The following IL16 variants were observed in gnomAD, a reference collection of about 807,000 sequenced individuals.
IL16 encodes the protein pro-interleukin-16.
Under a neutral mutation model 110.1 loss-of-function variants are expected in IL16, and 67 were observed. That is an observed-to-expected ratio of 0.61 (90% CI 0.50 to 0.75). The LOEUF is 0.75. IL16 is among the 30% of genes least tolerant of loss of function. The pLI, the probability that IL16 is intolerant of heterozygous loss-of-function variation, is 0.00. For missense variants in IL16, 1,545 were observed against 1,655.0 expected, an observed-to-expected ratio of 0.93 and a Z score of 1.15; for synonymous variants, 689 against 662.9, an observed-to-expected ratio of 1.04 and a Z score of -0.61.
chr15:81,273,594 A>G (rs1222773147), intron 6 of IL16, among the ~76,000 whole-genome samples: 1 of 151,466 alleles, frequency 6.6e-6, no homozygotes, highest in African/African-American at 2.4e-5. Flanking sequence ...CCTCTCCTTC[A>G]TTCTCCCTGT....
In IL16 at chr15:81,306,788, G is replaced by A. The variant is rs1489033908; in HGVS notation, c.3805+243G>A. The A allele has an allele frequency of 2.1e-5, 11 of 534,260 alleles. No homozygotes were observed. In the East Asian group the frequency reaches 4.1e-4, roughly 20 times the overall value. The allele number at this position is 534,260 out of a possible 1,614,324, so 33.1% of individuals were successfully genotyped here. ...CAAAAATACCTAAGTCCTGGGCTTG[G>A]TTCGGGTTGGCAGGGCCAGGACTCT... On this transcript the variant is annotated intron_variant, in intron 18 of 18. Transcript: ENST00000683961.
rs578116945 is a variant in IL16 at position 81,197,996 on chromosome 15, C to T, written c.-102+844C>T. On this transcript the variant is annotated intron_variant, in intron 1 of 18. Transcript: ENST00000683961. ...CCCTTCCTATTTCTCCAGTTTCCCC[C>T]GGAAGGAGAAGACCGTTCAGCCTTT... Among the ~76,000 whole-genome samples, 177 of 152,204 alleles carry T rather than the reference C, an allele frequency of 1.2e-3. 1 individual carries two copies. The highest frequency in any genetic ancestry group is 3.7e-3 in the East Asian group (19 of 5,160).
At chr15:81,265,826 A>G (rs766939637) in intron 4 of IL16, 25 bp downstream of exon 4, 26 of 1,597,190 alleles carry the variant, frequency 1.6e-5, no homozygotes, top group African/African-American at 2.7e-5. Flanking sequence ...AGGGAAACTC[A>G]GAGAAGAGTT....
In IL16 at chr15:81,225,731, G is replaced by A. The variant is rs761514024; in HGVS notation, c.312+20G>A. 8 of 1,550,486 alleles carry A rather than the reference G, an allele frequency of 5.2e-6. No individual in the cohort carries two copies. The South Asian group carries it at 6.0e-5, about 12-fold the overall frequency. ...ATGAAGGTATGCCCAGGCTTTGCAG[G>A]CCTGAACTAGCCTGCAGTTGGTTTC... On this transcript the variant is annotated intron_variant, in intron 2 of 18. Transcript: ENST00000683961.
chr15:81,201,993 G>A (rs28515019), intron 1 of IL16, among the ~76,000 whole-genome samples: 25,006 of 152,178 alleles, frequency 0.16, 4,710 homozygotes, highest in African/African-American at 0.46. Context: ...CAGAGATGGG[G>A]TTACTAAGTG....
Position 81,306,148 on chromosome 15 carries a change from G to A in IL16, c.3661G>A (p.Asp1221Asn). ...TGCAGCCTCAGCCTCTGCAGCCAGT[G>A]ATGTTTCTGTAGAATCTAGTAAGTT... is the stretch of plus-strand genomic sequence containing the variant. ...DSAASASAAS[D>N]VSVESTAEAT... is the part of the protein sequence containing the mutation. Residue 1221 changes from aspartate (D) to asparagine (N), a missense_variant, in exon 17 of 19, where the codon GAT (aspartate) becomes AAT (asparagine). Asp to Asn is a conservative substitution (Grantham distance 23). This residue lies in a region of IL16 where 356 missense variants were observed against 399.3 expected (regional missense o/e 0.89). Transcript: ENST00000683961. 1 of 1,614,040 alleles carries A rather than the reference G, an allele frequency of 6.2e-7. No individual in the cohort carries two copies. Among genetic ancestry groups the A allele is most frequent in the Non-Finnish European group, 8.5e-7 (1 of 1,179,984 alleles).
At position 81,308,754 on chromosome 15, in the gene IL16, A is replaced by G. The variant is rs751387471; in HGVS notation, c.3955A>G (p.Lys1319Glu). ...ACCTGTCACGATTGTCATCAGGAGA[A>G]AAAGCCTCCAGTCCAAGGAAACCAC... ...DGPVTIVIRR[K>E]SLQSKETTAA... The change falls in exon 19 of 19, where the codon AAA becomes GAA. Residue 1319 changes from lysine (K) to glutamate (E), a missense_variant. By Grantham distance (56) the Lys-to-Glu change is moderately conservative. Transcript: ENST00000683961. The G allele has an allele frequency of 2.1e-5, 34 of 1,614,086 alleles. 1 individual carries two copies. The South Asian group carries it at 3.5e-4, about 17-fold the overall frequency.
intron 6 of IL16, among the ~76,000 whole-genome samples, chr15:81,277,785 G>A (rs927996951): frequency 3.9e-5 from 6 of 152,182 alleles, no homozygotes; most frequent in South Asian, 2.1e-4. Context: ...ATGATTAGGC[G>A]ACAGCAGATT....
intron 4 of IL16, among the ~76,000 whole-genome samples, chr15:81,266,863 C>T (rs990358582): frequency 3.3e-5 from 5 of 152,186 alleles, no homozygotes; most frequent in African/African-American, 9.7e-5. Context: ...AGGGTCTCCA[C>T]GGTCAAGCAA....
intron 4 of IL16, 124 bp downstream of exon 4, chr15:81,265,925 A>G (rs1898362713): frequency 1.2e-6 from 1 of 869,444 alleles, no homozygotes; most frequent in African/African-American, 1.7e-5. Flanking sequence ...TACAGAGGAG[A>G]GGGTCTCGCT....
chr15:81,300,563 T>A (rs1440983066), intron 14 of IL16, 88 bp downstream of exon 14: 16 of 807,278 alleles, frequency 2.0e-5, no homozygotes, highest in Non-Finnish European at 2.6e-5. Context: ...ATATATAATT[T>A]AAAAAATTCC....
At chr15:81,224,161 A>G (rs1276340702) in intron 1 of IL16, among the ~76,000 whole-genome samples, 1 of 152,234 alleles carries the variant, frequency 6.6e-6, no homozygotes, top group East Asian at 1.9e-4. Flanking sequence ...AAAACAGTCT[A>G]TTTTTAGGCA....
chr15:81,259,793 C>T lies in IL16; in HGVS notation c.334C>T (p.Arg112Ter). 24 of 1,613,210 alleles carry T rather than the reference C, an allele frequency of 1.5e-5. No homozygotes were observed. The highest frequency in any genetic ancestry group is 2.0e-5 in the Non-Finnish European group (24 of 1,179,262). Residue 112 changes from arginine (R) to a stop codon, truncating the protein, a stop_gained, in exon 3 of 19, where the codon CGA becomes TGA. Coordinates refer to ENST00000683961, the MANE Select transcript of IL16 (RefSeq NM_172217.5). LOFTEE classifies it high-confidence loss of function. ...FMKESSTASS[R>*]EKPGKLEAQS... The stretch of plus-strand genomic sequence containing the variant: ...GCAGGAATCTTCCACAGCTTCCTCT[C>T]GAGAAAAGCCTGGAAAACTAGAAGC...
At chr15:81,272,770 G>C (rs184742144) in intron 5 of IL16, among the ~76,000 whole-genome samples, 13 of 152,332 alleles carry the variant, frequency 8.5e-5, no homozygotes, top group Admixed American at 2.0e-4. Flanking sequence ...ATTGGCCCAG[G>C]ATTGCCAACT....
At chr15:81,220,546 C>G (rs905583362) in intron 1 of IL16, among the ~76,000 whole-genome samples, 7 of 152,104 alleles carry the variant, frequency 4.6e-5, no homozygotes, top group East Asian at 1.9e-4. Flanking sequence ...AAAATTACCC[C>G]CTGGGCTAGA....
At chr15:81,285,653 C>T in intron 9 of IL16, 45 bp from the exon 10 acceptor site, 5 of 1,607,808 alleles carry the variant, frequency 3.1e-6, no homozygotes, top group Non-Finnish European at 3.4e-6. Flanking sequence ...GTTCAAATGT[C>T]TCATTGATTC....
intron 1 of IL16, chr15:81,188,395 G>A: frequency 2.2e-6 from 1 of 456,322 alleles, no homozygotes; most frequent in Non-Finnish European, 4.4e-6. Context: ...CTGAGGGAAG[G>A]CAGAGCTGGT....
rs563955588 is a variant in IL16 at position 81,287,603 on chromosome 15, A to G, written c.1332+1773A>G. Among the ~76,000 whole-genome samples, 16 of 152,344 alleles carry G rather than the reference A, an allele frequency of 1.1e-4. No homozygotes were observed. The South Asian group carries it at 3.3e-3, about 32-fold the overall frequency. ...GTGATATTTCCCCCCCAACTCACAG[A>G]TGAGGAAACTGAGGCTTAGAAAGGA... On this transcript the variant is annotated intron_variant, in intron 10 of 18. Coordinates refer to ENST00000683961, the MANE Select transcript of IL16 (RefSeq NM_172217.5).
upstream of IL16, among the ~76,000 whole-genome samples, chr15:81,193,859 G>A (rs955235452): frequency 6.6e-6 from 1 of 152,130 alleles, no homozygotes; most frequent in African/African-American, 2.4e-5. Flanking sequence ...AGTGCTAAAT[G>A]CAGAGAGAAT....
Sources: allele counts gnomAD v4.1 joint callset (sites outside exome capture counted in the v4.1 genomes callset), GRCh38; gene constraint gnomAD v4.1.1; regional missense constraint gnomAD v4.1.1; transcripts MANE v1.5; gene names NCBI Gene and HGNC (gene_info 2026-07-23, HGNC 2026-07-21).